The following PITPNM3 variants were observed in gnomAD, a reference collection of about 807,000 sequenced individuals.
PITPNM3 encodes the protein PITPNM family member 3.
In PITPNM3, 26 loss-of-function variants were observed where a neutral mutation model predicts 102.0. The observed-to-expected ratio is 0.25, with a 90% CI of 0.19 to 0.35. PITPNM3 has a LOEUF of 0.35. Among genes scored for constraint, PITPNM3 ranks in the 10% least tolerant of loss-of-function variants. The pLI, the probability that PITPNM3 is intolerant of heterozygous loss-of-function variation, is 1.00. For synonymous variants in PITPNM3, 578 were observed against 558.6 expected (o/e 1.03, Z -0.49); for missense variants, 1,083 against 1,346.1 (o/e 0.80, Z 3.06).
chr17:6,517,704 C>T lies in PITPNM3; in HGVS notation c.226+7652G>A, dbSNP rs764673781. On this transcript the variant is annotated intron_variant, in intron 3 of 19. Coordinates refer to ENST00000262483, the MANE Select transcript of PITPNM3 (RefSeq NM_031220.4). This position sits in a 1 kb window ranked among gnomAD's most constrained non-coding sequence, Gnocchi z 4.1. ...CCTCCAGAATAACTGGGAACACAGG[C>T]ACATGCCATCACACCCAGCTAGTTG... Among the ~76,000 whole-genome samples, 9 of 152,164 alleles carry T rather than the reference C, an allele frequency of 5.9e-5. No homozygotes were observed. Among genetic ancestry groups the T allele is most frequent in the Non-Finnish European group, 1.2e-4 (8 of 68,034 alleles).
chr17:6,473,976 C>CAAA (rs56728914), intron 10 of PITPNM3, among the ~76,000 whole-genome samples: 3 of 96,074 alleles, frequency 3.1e-5, no homozygotes, highest in Non-Finnish European at 5.9e-5. Context: ...GACTCCATCT[C>CAAA]AAAAAAAAAA....
chr17:6,535,215 G>C (rs554329026), intron 2 of PITPNM3, among the ~76,000 whole-genome samples: 1 of 152,182 alleles, frequency 6.6e-6, no homozygotes, highest in South Asian at 2.1e-4. Context: ...GTCAGGGTCA[G>C]GGTTCAGCCT....
intron 1 of PITPNM3, among the ~76,000 whole-genome samples, chr17:6,548,468 G>C (rs1388695004): frequency 3.3e-5 from 5 of 152,168 alleles, no homozygotes; most frequent in Non-Finnish European, 7.3e-5. Context: ...TTGCTCGGCT[G>C]GGACTAGCCT....
chr17:6,531,308 G>T (rs549990037), intron 2 of PITPNM3, among the ~76,000 whole-genome samples: 1 of 152,316 alleles, frequency 6.6e-6, no homozygotes, highest in East Asian at 1.9e-4. Flanking sequence ...ATACCACAGT[G>T]ACTGCACTAG....
At chr17:6,541,476 A>AG (rs1248848550) in intron 1 of PITPNM3, among the ~76,000 whole-genome samples, 1 of 152,096 alleles carries the variant, frequency 6.6e-6, no homozygotes, top group Non-Finnish European at 1.5e-5. Flanking sequence ...CAATGATTGA[A>AG]GGGGGACAGG....
At position 6,468,180 on chromosome 17, in the gene PITPNM3, C is replaced by A; in HGVS notation, c.1890+45G>T. ...CAGCCCCCGGGCCAGCCCCACCTCCCGGAGGACACAGTCCCAGCCACATGC... is the reference window on the plus strand; with the variant it reads ...CAGCCCCCGGGCCAGCCCCACCTCCAGGAGGACACAGTCCCAGCCACATGC... On this transcript the variant is annotated intron_variant, in intron 14 of 19. Transcript: ENST00000262483. This position sits in a 1 kb window ranked among gnomAD's most constrained non-coding sequence, Gnocchi z 5.2. 1 of 1,589,704 alleles carries A rather than the reference C, an allele frequency of 6.3e-7. No individual in the cohort carries two copies. Among genetic ancestry groups the A allele is most frequent in the Non-Finnish European group, 8.6e-7 (1 of 1,160,266 alleles).
intron 3 of PITPNM3, among the ~76,000 whole-genome samples, chr17:6,514,681 G>T (rs1430104243): frequency 6.6e-6 from 1 of 152,174 alleles, no homozygotes; most frequent in Non-Finnish European, 1.5e-5. Flanking sequence ...CAGCTACTTT[G>T]GAAATGAATT....
At chr17:6,464,093 C>A in intron 16 of PITPNM3, 77 bp downstream of exon 16, 1 of 1,606,446 alleles carries the variant, frequency 6.2e-7, no homozygotes. Context: ...CCCAAGGACC[C>A]CATCCTCTAG....
intron 6 of PITPNM3, chr17:6,480,905 C>T (rs1162690352): frequency 6.6e-6 from 1 of 152,432 alleles, no homozygotes; most frequent in Non-Finnish European, 1.5e-5. Context: ...GGCCCCATAC[C>T]CTGGAGGTCC....
intron 19 of PITPNM3, 43 bp from the exon 20 acceptor site, chr17:6,455,686 GCAGCGCAGGGGGAAGAA>G (rs776719152): frequency 2.8e-6 from 4 of 1,407,112 alleles, no homozygotes; most frequent in Admixed American, 3.8e-5. Flanking sequence ...GGGCAGGGCA[GCAGCGCAGGGGGAAGAA>G]GGGAGGGGAG....
chr17:6,503,470 T>G, intron 4 of PITPNM3, 57 bp downstream of exon 4: 248 of 1,568,550 alleles, frequency 1.6e-4, no homozygotes, highest in Non-Finnish European at 2.0e-4. Context: ...CCAGGCTCAA[T>G]GAGCTTGCAC....
In PITPNM3 at chr17:6,538,074, G is replaced by A. The variant is rs1567693900; in HGVS notation, c.31C>T (p.Pro11Ser). Residue 11 changes from proline to serine, a missense_variant, in exon 2 of 20, where the codon CCC becomes TCC. Pro to Ser is a moderately conservative substitution (Grantham distance 74, BLOSUM62 -1). Around this residue, in one of 5 missense-constraint regions of PITPNM3, gnomAD observed 290 missense variants for 337.8 expected, o/e 0.86. Coordinates refer to ENST00000262483, the MANE Select transcript of PITPNM3 (RefSeq NM_031220.4). The part of the protein sequence containing the change: MAKAGRAGGP[P>S]PGGGAPWHLR... The stretch of plus-strand genomic sequence containing the variant: ...TGCCAGGGGGCACCGCCGCCCGGGG[G>A]AGGACCACCTGTTAAAGGGAACACA... 1 of 1,609,636 alleles carries A rather than the reference G, an allele frequency of 6.2e-7. No individual in the cohort carries two copies. Among genetic ancestry groups the A allele is most frequent in the Non-Finnish European group, 8.5e-7 (1 of 1,176,076 alleles).
chr17:6,544,654 T>TCTCTCTCTCTCTCTCACACACA (rs376230474), intron 1 of PITPNM3, among the ~76,000 whole-genome samples: 28 of 130,272 alleles, frequency 2.1e-4, no homozygotes, highest in African/African-American at 8.3e-4. Flanking sequence ...TCTCTCTCTC[T>TCTCTCTCTCTCTCTCACACACA]CACACACACA....
intron 4 of PITPNM3, among the ~76,000 whole-genome samples, chr17:6,492,442 T>C (rs1454511310): frequency 6.6e-6 from 1 of 152,202 alleles, no homozygotes; most frequent in Non-Finnish European, 1.5e-5. Context: ...GTGTGAAATG[T>C]TGTCCTCCCC....
intron 19 of PITPNM3, among the ~76,000 whole-genome samples, chr17:6,455,965 A>G (rs1391115598): frequency 6.6e-6 from 1 of 151,470 alleles, no homozygotes; most frequent in Non-Finnish European, 1.5e-5. Flanking sequence ...ATGCATCTCT[A>G]CCTGTACCCA....
rs1381455678 is a variant in PITPNM3, at chr17:6,467,066, ACAAAAAAAAAAAAC to A, written c.1890+1145_1890+1158del. ...CGACAGAACAAGACTCCGTCTCAAA[ACAAAAAAAAAAAAC>A]CAAAAAAAAAAAACAGGTGAAAACA... On this transcript the variant is annotated intron_variant, in intron 14 of 19. Transcript: ENST00000262483. Among the ~76,000 whole-genome samples, 51 of 56,202 alleles carry A rather than the reference ACAAAAAAAAAAAAC, an allele frequency of 9.1e-4. 1 individual carries two copies. The highest frequency in any genetic ancestry group is 8.2e-3 in the East Asian group (19 of 2,316). The allele number at this position is 56,202 out of a possible 152,430, so 36.9% of individuals were successfully genotyped here.
At chr17:6,543,541 A>G (rs1215612274) in intron 1 of PITPNM3, among the ~76,000 whole-genome samples, 9 of 152,268 alleles carry the variant, frequency 5.9e-5, no homozygotes, top group Non-Finnish European at 1.2e-4. Flanking sequence ...CGTAAGATGC[A>G]GAACAAAGGT....
intron 1 of PITPNM3, among the ~76,000 whole-genome samples, chr17:6,542,158 ATG>A (rs1909764845): frequency 2.6e-5 from 4 of 152,324 alleles, no homozygotes; most frequent in Admixed American, 2.0e-4. Context: ...CTGGCTCCTC[ATG>A]GGGGCCCTAG....
At chr17:6,544,888 T>C (rs1028469310) in intron 1 of PITPNM3, among the ~76,000 whole-genome samples, 1 of 151,824 alleles carries the variant, frequency 6.6e-6, no homozygotes, top group East Asian at 1.9e-4. Flanking sequence ...CACGCACACA[T>C]GCACTTAGAA....
Sources: gnomAD v4.1 joint callset for allele counts (sites outside exome capture counted in the v4.1 genomes callset) on GRCh38, gnomAD v4.1.1 for gene constraint, gnomAD v4.1.1 regional missense constraint, Gnocchi (gnomAD v3.1) non-coding constraint, MANE v1.5 for transcripts, NCBI Gene and HGNC (gene_info 2026-07-23, HGNC 2026-07-21) for gene names.